The following METTL15 variants were observed in gnomAD, a reference collection of about 807,000 sequenced individuals.
METTL15 encodes the protein 12S rRNA N(4)-cytidine methyltransferase METTL15.
A neutral mutation model predicts 38.3 loss-of-function variants in METTL15; 34 were observed. The ratio of observed to expected loss-of-function variants is 0.89; its 90% CI spans 0.68 to 1.18. The LOEUF (loss-of-function observed/expected upper bound fraction) is 1.18, where lower values mean the gene tolerates loss of function less well. Among genes scored for constraint, METTL15 ranks in the 50% most tolerant of loss-of-function variants. The pLI, the probability that METTL15 is intolerant of heterozygous loss-of-function variation, is 0.00. For missense variants in METTL15, 438 were observed against 498.4 expected, an observed-to-expected ratio of 0.88 and a Z score of 1.15; for synonymous variants, 162 against 170.9, an observed-to-expected ratio of 0.95 and a Z score of 0.41.
At chr11:28,231,391 A>G (rs1853679582) in intron 4 of METTL15, among the ~76,000 whole-genome samples, 1 of 151,922 alleles carries the variant, frequency 6.6e-6, no homozygotes, top group African/African-American at 2.4e-5. Flanking sequence ...AAATAAAATA[A>G]TAAGATATCG....
chr11:28,504,197 C>CAAAA (rs376321913), intron 6 of METTL15, among the ~76,000 whole-genome samples: 7 of 70,952 alleles, frequency 9.9e-5, no homozygotes, highest in Non-Finnish European at 1.0e-4. Context: ...AACTCTGTCT[C>CAAAA]AAAAAAAAAA....
intron 4 of METTL15, among the ~76,000 whole-genome samples, chr11:28,224,990 T>C (rs1432313181): frequency 6.6e-6 from 1 of 151,824 alleles, no homozygotes; most frequent in Non-Finnish European, 1.5e-5. Flanking sequence ...TATTCATCAC[T>C]GACTTTAGTA....
rs183472029 is a variant in METTL15, at chr11:28,296,070, A to T, written c.600-683A>T. Among the ~76,000 whole-genome samples the T allele has an allele frequency of 1.8e-3, 281 of 152,192 alleles. 1 individual carries two copies. Among genetic ancestry groups the T allele is most frequent in the Middle Eastern group, 0.017 (5 of 294 alleles). On this transcript the variant is annotated intron_variant, in intron 5 of 6. Coordinates refer to ENST00000407364, the MANE Select transcript of METTL15 (RefSeq NM_001113528.2). ...ATTTGACCAGAGGTTGGTATTTTTT[A>T]TTCCTCCTCCATCTAAAATTACTAT...
chr11:28,504,224 G>A (rs1434748050), intron 6 of METTL15, among the ~76,000 whole-genome samples: 1 of 150,596 alleles, frequency 6.6e-6, no homozygotes, highest in East Asian at 1.9e-4. Flanking sequence ...AAAAAGAGAG[G>A]GAGAAAAGAA....
chr11:28,190,560 C>T (rs919201511), intron 3 of METTL15, among the ~76,000 whole-genome samples: 15 of 151,108 alleles, frequency 9.9e-5, no homozygotes, highest in African/African-American at 3.4e-4. Context: ...CGTTTTGAAA[C>T]TCCTGGCCTT....
intron 3 of METTL15, among the ~76,000 whole-genome samples, chr11:28,114,776 T>C (rs544777414): frequency 3.3e-5 from 5 of 152,282 alleles, no homozygotes; most frequent in African/African-American, 9.6e-5. Context: ...TATGTACATA[T>C]GTTTTCAGTT....
intron 4 of METTL15, among the ~76,000 whole-genome samples, chr11:28,264,868 T>A (rs1855348760): frequency 6.6e-6 from 1 of 152,142 alleles, no homozygotes; most frequent in South Asian, 2.1e-4. Flanking sequence ...TTTGTAATAT[T>A]TAAGTTGTAA....
At chr11:28,406,198 C>T (rs908360390) in intron 5 of METTL15, among the ~76,000 whole-genome samples, 3 of 152,086 alleles carry the variant, frequency 2.0e-5, no homozygotes, top group Non-Finnish European at 4.4e-5. Flanking sequence ...TTACTTTGGG[C>T]AGTATGGCCA....
At chr11:28,122,335 G>A (rs9988877) in intron 3 of METTL15, among the ~76,000 whole-genome samples, 58,162 of 130,284 alleles carry the variant, frequency 0.45, 13,238 homozygotes, top group African/African-American at 0.66. Context: ...GTGTGTATAT[G>A]TGTGTGTGTG....
chr11:28,205,041 C>T (rs2133826456), intron 3 of METTL15, among the ~76,000 whole-genome samples: 1 of 151,840 alleles, frequency 6.6e-6, no homozygotes, highest in East Asian at 1.9e-4. Flanking sequence ...TTTATTTGTT[C>T]CTGTGCATTT....
At chr11:28,164,479 T>TTAGTG (rs1720843161) in intron 3 of METTL15, among the ~76,000 whole-genome samples, 1 of 152,070 alleles carries the variant, frequency 6.6e-6, no homozygotes, top group Admixed American at 6.6e-5. Context: ...TATTTAGCCA[T>TTAGTG]ACATGATTTT....
chr11:28,495,669 A>C (rs1851529872), intron 6 of METTL15, among the ~76,000 whole-genome samples: 1 of 152,174 alleles, frequency 6.6e-6, no homozygotes, highest in African/African-American at 2.4e-5. Flanking sequence ...GAGAGGGTGG[A>C]AGAAAAGCAA....
chr11:28,305,889 A>G (rs1360463603), intron 6 of METTL15, among the ~76,000 whole-genome samples: 2 of 152,140 alleles, frequency 1.3e-5, no homozygotes, highest in African/African-American at 2.4e-5. Flanking sequence ...GTTCCTGGCA[A>G]CTAATAGAAA....
intron 6 of METTL15, among the ~76,000 whole-genome samples, chr11:28,439,289 T>C (rs1313030113): frequency 6.6e-6 from 1 of 152,196 alleles, no homozygotes; most frequent in South Asian, 2.1e-4. Flanking sequence ...AGGGTGCCCA[T>C]TGTGTGTTAC....
At chr11:28,441,089 A>G (rs1272348394) in intron 6 of METTL15, among the ~76,000 whole-genome samples, 1 of 150,232 alleles carries the variant, frequency 6.7e-6, no homozygotes, top group Non-Finnish European at 1.5e-5. Context: ...GATTTATATA[A>G]TAATGTGGTA....
Position 28,522,811 on chromosome 11 carries a change from GA to G in METTL15, c.*425-3666del, listed in dbSNP as rs148676006. On this transcript the variant is annotated intron_variant and NMD_transcript_variant, in intron 6 of 7. Coordinates refer to the METTL15 transcript ENST00000532947. The stretch of plus-strand genomic sequence containing the variant: ...AGTAAACATGAGACCGTGAGATCAG[GA>G]GGAAAGCTACATATGTGTCTGGCAA... Among the ~76,000 whole-genome samples the G allele has an allele frequency of 3.2e-3, 495 of 152,316 alleles. 16 individuals are homozygous for G. In the East Asian group the frequency reaches 0.09, roughly 28 times the overall value.
intron 5 of METTL15, among the ~76,000 whole-genome samples, chr11:28,409,068 A>G (rs1850701134): frequency 6.6e-6 from 1 of 152,320 alleles, no homozygotes; most frequent in Non-Finnish European, 1.5e-5. Context: ...TTTAGGCCAC[A>G]AAACAATTTT....
intron 3 of METTL15, among the ~76,000 whole-genome samples, chr11:28,139,302 A>G (rs562563719): frequency 6.6e-6 from 1 of 152,296 alleles, no homozygotes; most frequent in South Asian, 2.1e-4. Flanking sequence ...TTTGAGAGAA[A>G]TACAGACTGA....
chr11:28,396,576 C>G (rs1049880300), intron 5 of METTL15, among the ~76,000 whole-genome samples: 17 of 151,972 alleles, frequency 1.1e-4, no homozygotes, highest in Non-Finnish European at 5.9e-5. Context: ...AACCACTGCT[C>G]AATGAAATAA....
Sources: gnomAD v4.1 joint callset for allele counts (sites outside exome capture counted in the v4.1 genomes callset) on GRCh38, gnomAD v4.1.1 for gene constraint, MANE v1.5 for transcripts, NCBI Gene and HGNC (gene_info 2026-07-23, HGNC 2026-07-21) for gene names.